GTF3C1: variants seen among roughly 807,000 people sequenced by gnomAD.
The protein encoded by GTF3C1 is general transcription factor 3C polypeptide 1.
A neutral mutation model predicts 226.7 loss-of-function variants in GTF3C1; 57 were observed. The ratio of observed to expected loss-of-function variants is 0.25; its 90% CI spans 0.20 to 0.31. GTF3C1 has a LOEUF of 0.31. Ranked by LOEUF, GTF3C1 falls within the 10% of genes least tolerant of loss-of-function variation. The pLI, the probability that GTF3C1 is intolerant of heterozygous loss-of-function variation, is 1.00. For missense variants in GTF3C1, 2,217 were observed against 2,776.1 expected, an observed-to-expected ratio of 0.80 and a Z score of 4.53; for synonymous variants, 1,090 against 1,084.8, an observed-to-expected ratio of 1.00 and a Z score of -0.09.
chr16:27,531,944 C>A (rs2088923586), intron 5 of GTF3C1, among the ~76,000 whole-genome samples: 3 of 152,254 alleles, frequency 2.0e-5, no homozygotes, highest in Middle Eastern at 6.8e-3. Context: ...AAACACTTCT[C>A]CCCTACTACA....
chr16:27,461,056 C>T lies in GTF3C1; in HGVS notation c.*294G>A, dbSNP rs56053126. The T allele has an allele frequency of 0.013, 4,326 of 345,468 alleles. 39 individuals carry two copies. Among genetic ancestry groups the T allele is most frequent in the Non-Finnish European group, 0.016 (2,932 of 186,150 alleles). 21.4% of individuals were successfully genotyped at this position (345,468 alleles called of 1,614,324 possible). On this transcript the variant is annotated 3_prime_UTR_variant, in exon 37 of 37. Transcript: ENST00000356183. The surrounding 1 kb of genome is among the most constrained non-coding windows in gnomAD (Gnocchi z 5.3). ...GTCTGGAATGTGAGGTGTGCACAGG[C>T]GGGGCAAACTCTGGAGACCCAGAGA...
intron 14 of GTF3C1, among the ~76,000 whole-genome samples, chr16:27,497,184 C>T (rs2088332557): frequency 6.6e-6 from 1 of 152,196 alleles, no homozygotes; most frequent in South Asian, 2.1e-4. Flanking sequence ...CCTTGTTCAG[C>T]ACAAGTTTAG....
At position 27,484,731 on chromosome 16, in the gene GTF3C1, G is replaced by C. The variant is rs576366161; in HGVS notation, c.3859-378C>G. 3.3e-5 allele frequency among the ~76,000 whole-genome samples: 5 copies of C among 152,376 alleles called. No homozygotes were observed. In the East Asian group the frequency reaches 9.6e-4, roughly 29 times the overall value. ...CCTAATTATGCATCATGTGTGCTCA[G>C]AAACGTTCTGTATGTTGTGCTTGTA... On this transcript the variant is annotated intron_variant, in intron 24 of 36. Coordinates refer to ENST00000356183, the MANE Select transcript of GTF3C1 (RefSeq NM_001520.4).
chr16:27,498,929 A>AC (rs1355637235), intron 12 of GTF3C1, among the ~76,000 whole-genome samples, 196 bp from the exon 13 acceptor site: 1 of 152,208 alleles, frequency 6.6e-6, no homozygotes, highest in Non-Finnish European at 1.5e-5. Context: ...TCCTCAAGTG[A>AC]CCAAGCGATC....
Position 27,460,998 on chromosome 16 carries a change from A to G in GTF3C1, c.*352T>C. The G allele has an allele frequency of 4.9e-6, 1 of 203,338 alleles. No individual in the cohort carries two copies. The highest frequency in any genetic ancestry group is 1.0e-5 in the Non-Finnish European group (1 of 99,262). The allele number at this position is 203,338 out of a possible 1,614,324, so 12.6% of individuals were successfully genotyped here. On this transcript the variant is annotated 3_prime_UTR_variant, in exon 37 of 37. Coordinates refer to ENST00000356183, the MANE Select transcript of GTF3C1 (RefSeq NM_001520.4). ...TCCTCTTGGTGGCACCTGGGCACTCAAGGAGCCAGGAGATCCTGCCGAGAT... is the reference window on the plus strand; with the variant it reads ...TCCTCTTGGTGGCACCTGGGCACTCGAGGAGCCAGGAGATCCTGCCGAGAT...
rs2087724539 is a variant in GTF3C1 at position 27,462,726 on chromosome 16, G to A, written c.5925-240C>T. 4.1e-6 allele frequency: 2 copies of A among 491,944 alleles called. No homozygotes were observed. The highest frequency in any genetic ancestry group is 1.9e-5 in the African/African-American group (1 of 52,388). The allele number at this position is 491,944 out of a possible 1,614,324, so 30.5% of individuals were successfully genotyped here. On this transcript the variant is annotated intron_variant, in intron 35 of 36. Coordinates refer to ENST00000356183, the MANE Select transcript of GTF3C1 (RefSeq NM_001520.4). This position sits in a 1 kb window ranked among gnomAD's most constrained non-coding sequence, Gnocchi z 4.5. ...CCGCTCTGATGTAGCTGTAACTGAGGCCTCAGTGGGCCCACCCACATTGGC... is the reference window on the plus strand; with the variant it reads ...CCGCTCTGATGTAGCTGTAACTGAGACCTCAGTGGGCCCACCCACATTGGC...
chr16:27,503,271 C>G (rs1213940066), intron 10 of GTF3C1, among the ~76,000 whole-genome samples: 2 of 152,208 alleles, frequency 1.3e-5, no homozygotes, highest in African/African-American at 4.8e-5. Context: ...TCCAGCAACT[C>G]CTGAAAAGGT....
At position 27,470,300 on chromosome 16, in the gene GTF3C1, C is replaced by T. The variant is rs192997773; in HGVS notation, c.4622G>A (p.Arg1541His). Residue 1541 changes from arginine to histidine, a missense_variant, in exon 31 of 37, where the codon CGT (arginine) becomes CAT (histidine). By Grantham distance (29) the Arg-to-His change is conservative (BLOSUM62 0). Coordinates refer to ENST00000356183, the MANE Select transcript of GTF3C1 (RefSeq NM_001520.4). This position sits in a 1 kb window ranked among gnomAD's most constrained non-coding sequence, Gnocchi z 4.9. ...RAAGKLDQPD[R>H]FSFKDQDNNE... ...ATTATCCTGGTCTTTGAAAGAGAAA[C>T]GATCAGGCTGGTCCAACTTGCCGGC... 30 of 1,613,562 alleles carry T rather than the reference C, an allele frequency of 1.9e-5. No homozygotes were observed. The East Asian group carries it at 3.6e-4, about 19-fold the overall frequency.
intron 6 of GTF3C1, among the ~76,000 whole-genome samples, chr16:27,519,002 A>G (rs1023548257): frequency 6.6e-6 from 1 of 152,232 alleles, no homozygotes; most frequent in African/African-American, 2.4e-5. Context: ...CCAGCCAGCC[A>G]TGCTGGGAAA....
In GTF3C1 at chr16:27,481,108, G is replaced by A. The variant is rs1246173760; in HGVS notation, c.4167C>T (p.Ile1389=). ...SSALRNSNLE[I]PDTLQELFAR... is the part of the protein sequence containing the mutation. ...CGAACAGCTCCTGGAGTGTGTCTGGGATTTCAAGGTTAGAATTCCTTAGGG... is the reference window on the plus strand; with the variant it reads ...CGAACAGCTCCTGGAGTGTGTCTGGAATTTCAAGGTTAGAATTCCTTAGGG... The change falls in exon 27 of 37, where the codon ATC becomes ATT. Residue 1389 remains isoleucine, a synonymous_variant. Transcript: ENST00000356183. The A allele has an allele frequency of 1.2e-6, 2 of 1,614,170 alleles. No homozygotes were observed. The highest frequency in any genetic ancestry group is 1.7e-5 in the Admixed American group (1 of 60,030).
intron 1 of GTF3C1, among the ~76,000 whole-genome samples, chr16:27,547,435 A>G (rs530874386): frequency 6.6e-6 from 1 of 151,576 alleles, no homozygotes; most frequent in East Asian, 2.0e-4. Flanking sequence ...CACCTCCCCC[A>G]GACTCAACCC....
chr16:27,501,446 A>C, intron 11 of GTF3C1, 102 bp from the exon 12 acceptor site: 24 of 1,016,856 alleles, frequency 2.4e-5, no homozygotes, highest in Non-Finnish European at 3.0e-5. Context: ...CAATAGAAAC[A>C]AGGAAGGATC....
intron 2 of GTF3C1, among the ~76,000 whole-genome samples, chr16:27,544,016 A>G (rs551920368): frequency 6.6e-6 from 1 of 152,244 alleles, no homozygotes; most frequent in African/African-American, 2.4e-5. Context: ...AGCCAGTTAC[A>G]AGGGATTTGA....
intron 5 of GTF3C1, 74 bp from the exon 6 acceptor site, chr16:27,528,795 G>A (rs2088871125): frequency 7.3e-7 from 1 of 1,375,326 alleles, no homozygotes; most frequent in Non-Finnish European, 1.0e-6. Context: ...TCATATAAAT[G>A]AACACAAGTT....
At chr16:27,485,236 G>A (rs1219178378) in intron 24 of GTF3C1, among the ~76,000 whole-genome samples, 1 of 152,210 alleles carries the variant, frequency 6.6e-6, no homozygotes, top group African/African-American at 2.4e-5. Flanking sequence ...TCTCCTGCCT[G>A]GCCTGGCTGA....
Position 27,470,081 on chromosome 16 carries a change from C to G in GTF3C1, c.4814+27G>C, listed in dbSNP as rs2087845044. The G allele has an allele frequency of 1.9e-6, 3 of 1,598,846 alleles. No individual in the cohort carries two copies. The highest frequency in any genetic ancestry group is 2.6e-6 in the Non-Finnish European group (3 of 1,169,594). On this transcript the variant is annotated intron_variant, in intron 31 of 36. Transcript: ENST00000356183. This position sits in a 1 kb window ranked among gnomAD's most constrained non-coding sequence, Gnocchi z 4.9. ...GCCAATGCCTAGCACGTGGCCAGAC[C>G]TGATGCTGCGGATGCCGGACTCTTA... is the stretch of plus-strand genomic sequence containing the variant.
chr16:27,483,582 G>C (rs184302390), intron 25 of GTF3C1: 30 of 427,018 alleles, frequency 7.0e-5, no homozygotes, highest in Admixed American at 4.7e-4. Flanking sequence ...TTGCCCAAAA[G>C]AAAATGAAGG....
At chr16:27,538,899 G>A (rs886950930) in intron 2 of GTF3C1, among the ~76,000 whole-genome samples, 2 of 150,164 alleles carry the variant, frequency 1.3e-5, no homozygotes, top group Non-Finnish European at 2.9e-5. Context: ...TAGAGTTCTA[G>A]CCCCACCCCC....
chr16:27,486,293 G>A (rs2088137532), intron 23 of GTF3C1, 139 bp from the exon 24 acceptor site: 6 of 546,928 alleles, frequency 1.1e-5, no homozygotes, highest in Admixed American at 9.2e-5. Context: ...TGTATCTAAA[G>A]TCACATAAAC....
Sources: gnomAD v4.1 joint callset for allele counts (sites outside exome capture counted in the v4.1 genomes callset) on GRCh38, gnomAD v4.1.1 for gene constraint, Gnocchi (gnomAD v3.1) non-coding constraint, MANE v1.5 for transcripts, NCBI Gene and HGNC (gene_info 2026-07-23, HGNC 2026-07-21) for gene names.